Variants in SPACA9 observed in about 807,000 individuals in gnomAD.
The protein encoded by SPACA9 is sperm acrosome-associated protein 9.
Under a neutral mutation model 12.5 loss-of-function variants are expected in SPACA9, and 14 were observed. That is an observed-to-expected ratio of 1.12 (90% confidence interval 0.74 to 1.75). The LOEUF is 1.75. Ranked by LOEUF, SPACA9 falls within the 40% of genes most tolerant of loss-of-function variation. The pLI is 0.00. For synonymous variants in SPACA9, 111 were observed against 114.1 expected, an observed-to-expected ratio of 0.97 and a Z score of 0.17; for missense variants, 292 against 291.9, an observed-to-expected ratio of 1.00 and a Z score of 0.00.
Position 132,887,281 on chromosome 9 carries a change from AGG to A in SPACA9, c.145-86_145-85del. The A allele has an allele frequency of 8.8e-7, 1 of 1,131,450 alleles. No homozygotes were observed. The highest frequency in any genetic ancestry group is 1.3e-6 in the Non-Finnish European group (1 of 769,902). 70.1% of individuals were successfully genotyped at this position (1,131,450 alleles called of 1,614,324 possible). On this transcript the variant is annotated intron_variant, in intron 2 of 3. Coordinates refer to ENST00000356311, the MANE Select transcript of SPACA9 (RefSeq NM_001316897.2). This position sits in a 1 kb window ranked among gnomAD's most constrained non-coding sequence, Gnocchi z 5.4. ...TGAGTCATGTAGGGTGGGAGGGAGT[AGG>A]GTGGGTGCTTCTGGACATTTGCACC...
upstream of SPACA9, chr9:132,878,740 G>A (rs952613501): frequency 1.0e-6 from 1 of 986,568 alleles, no homozygotes; most frequent in East Asian, 1.1e-4. This position sits in a 1 kb window ranked among gnomAD's most constrained non-coding sequence, Gnocchi z 4.7. Context: ...CGAGGATCGG[G>A]TGGAAATCCT....
upstream of SPACA9, chr9:132,878,358 C>A: frequency 8.0e-7 from 1 of 1,256,148 alleles, no homozygotes. The surrounding 1 kb of genome is among the most constrained non-coding windows in gnomAD (Gnocchi z 4.7). Context: ...AGGCTCCGCG[C>A]CGGGCCCAGA....
intron 2 of SPACA9, among the ~76,000 whole-genome samples, chr9:132,885,439 G>A (rs145371300): frequency 0.013 from 1,939 of 150,610 alleles, 39 homozygotes; most frequent in African/African-American, 0.036. Flanking sequence ...CATGAACCCT[G>A]GAGGCAGAAG....
intron 2 of SPACA9, among the ~76,000 whole-genome samples, chr9:132,884,804 T>C (rs139244368): frequency 1.3e-5 from 2 of 152,350 alleles, no homozygotes; most frequent in Non-Finnish European, 2.9e-5. Context: ...CAACCCTTGC[T>C]GGCAGCATCC....
Position 132,888,429 on chromosome 9 carries a change from C to G in SPACA9, c.487C>G (p.Leu163Val). 6.2e-7 allele frequency: 1 copy of G among 1,613,464 alleles called. No individual in the cohort carries two copies. The highest frequency in any genetic ancestry group is 1.1e-5 in the South Asian group (1 of 91,042). The change falls in exon 4 of 4, where the codon CTG becomes GTG. Residue 163 changes from leucine (L) to valine (V), a missense_variant. Physicochemically the swap from Leu to Val is conservative, Grantham distance 32 (BLOSUM62 1). Transcript: ENST00000356311. This position sits in a 1 kb window ranked among gnomAD's most constrained non-coding sequence, Gnocchi z 5.0. ...AHSEKLPRKV[L>V]QHVSEPQAHQ... ...CTCCGAGAAGTTGCCGCGCAAGGTG[C>G]TGCAGCACGTGAGTGAGCCCCAGGC...
chr9:132,878,695 A>T, upstream of SPACA9: 1 of 987,256 alleles, frequency 1.0e-6, no homozygotes, highest in East Asian at 1.1e-4. This position sits in a 1 kb window ranked among gnomAD's most constrained non-coding sequence, Gnocchi z 4.7. Context: ...GGGTGTTTGA[A>T]GGGGGAGGGG....
intron 1 of SPACA9, 35 bp from the exon 2 acceptor site, chr9:132,883,876 C>G (rs905444393): frequency 1.3e-6 from 2 of 1,537,940 alleles, no homozygotes; most frequent in Non-Finnish European, 1.8e-6. Context: ...GCATTGGGTC[C>G]CAGGACCTCA....
At chr9:132,886,073 T>C (rs1844557638) in intron 2 of SPACA9, among the ~76,000 whole-genome samples, 1 of 152,220 alleles carries the variant, frequency 6.6e-6, no homozygotes, top group Non-Finnish European at 1.5e-5. Flanking sequence ...TCAGATTGTT[T>C]GGGGAAACAT....
At chr9:132,880,384 A>G (rs1036437240) in intron 1 of SPACA9, among the ~76,000 whole-genome samples, 5 of 152,110 alleles carry the variant, frequency 3.3e-5, no homozygotes, top group Admixed American at 6.5e-5. Context: ...AGCTCCTCTC[A>G]TGACATTCCT....
intron 1 of SPACA9, among the ~76,000 whole-genome samples, chr9:132,881,113 C>T (rs559562622): frequency 5.1e-4 from 77 of 151,734 alleles, no homozygotes; most frequent in African/African-American, 1.8e-3. Flanking sequence ...CGTGAGCTAC[C>T]GCGCCCAGCC....
intron 2 of SPACA9, among the ~76,000 whole-genome samples, chr9:132,885,760 T>G (rs1470107453): frequency 6.6e-6 from 1 of 152,172 alleles, no homozygotes; most frequent in East Asian, 1.9e-4. Flanking sequence ...AAGTGTCCCT[T>G]CCCAGAATCT....
chr9:132,887,400 G>A lies in SPACA9; in HGVS notation c.176G>A (p.Ser59Asn). 1 of 1,613,268 alleles carries A rather than the reference G, an allele frequency of 6.2e-7. No individual in the cohort carries two copies. The highest frequency in any genetic ancestry group is 8.5e-7 in the Non-Finnish European group (1 of 1,180,006). ...VQSYMEHYCN[S>N]STDRRVLLMF... is the part of the protein sequence containing the mutation. ...AGCTACATGGAACACTACTGCAACAGCTCCACAGACCGGCGGGTTCTGCTC... is the reference window on the plus strand; with the variant it reads ...AGCTACATGGAACACTACTGCAACAACTCCACAGACCGGCGGGTTCTGCTC... Residue 59 changes from serine to asparagine, a missense_variant, in exon 3 of 4, where the codon AGC (serine) becomes AAC (asparagine). Ser to Asn is a conservative substitution (Grantham distance 46, BLOSUM62 1). Coordinates refer to ENST00000356311, the MANE Select transcript of SPACA9 (RefSeq NM_001316897.2). This position sits in a 1 kb window ranked among gnomAD's most constrained non-coding sequence, Gnocchi z 5.4.
chr9:132,880,958 G>C (rs1844406777), intron 1 of SPACA9, among the ~76,000 whole-genome samples: 1 of 151,764 alleles, frequency 6.6e-6, no homozygotes, highest in South Asian at 2.1e-4. Context: ...GAGTAGCTGG[G>C]ACTACAGGCG....
intron 2 of SPACA9, among the ~76,000 whole-genome samples, chr9:132,885,895 A>C (rs1844550564): frequency 6.6e-6 from 1 of 152,044 alleles, no homozygotes; most frequent in Non-Finnish European, 1.5e-5. Flanking sequence ...AAGTGTCCAA[A>C]GGTTCCCTGC....
chr9:132,881,826 C>G (rs918998830), intron 1 of SPACA9, among the ~76,000 whole-genome samples: 1 of 152,076 alleles, frequency 6.6e-6, no homozygotes, highest in Non-Finnish European at 1.5e-5. Context: ...TGTGCCTGGC[C>G]TATTTTCATC....
Position 132,887,891 on chromosome 9 carries a change from C to T in SPACA9, c.347+320C>T, listed in dbSNP as rs1314431782. On this transcript the variant is annotated intron_variant, in intron 3 of 3. Coordinates refer to ENST00000356311, the MANE Select transcript of SPACA9 (RefSeq NM_001316897.2). The surrounding 1 kb of genome is among the most constrained non-coding windows in gnomAD (Gnocchi z 5.4). Reference sequence around the variant, plus strand: ...CATGCAAAGAAGTGGACACCAGAGCCGCCTCCCAGGGGCAGCAGCACTGGC... The same window carrying T: ...CATGCAAAGAAGTGGACACCAGAGCTGCCTCCCAGGGGCAGCAGCACTGGC... 6.6e-6 allele frequency among the ~76,000 whole-genome samples: 1 copy of T among 152,086 alleles called. No individual in the cohort carries two copies. The highest frequency in any genetic ancestry group is 6.5e-5 in the Admixed American group (1 of 15,272).
Position 132,887,508 on chromosome 9 carries a change from ACCT to A in SPACA9, c.288_290del (p.Leu97del), listed in dbSNP as rs771586197. On this transcript the variant is annotated inframe_deletion, in exon 3 of 4. Coordinates refer to ENST00000356311, the MANE Select transcript of SPACA9 (RefSeq NM_001316897.2). This position sits in a 1 kb window ranked among gnomAD's most constrained non-coding sequence, Gnocchi z 5.4. ...CACTCTGGCACCCCAGTCACCAACA[ACCT>A]CCTGGAGAAATGCAAAACCCTCGTT... 1.9e-6 allele frequency: 3 copies of A among 1,613,862 alleles called. No individual in the cohort carries two copies. The highest frequency in any genetic ancestry group is 2.5e-6 in the Non-Finnish European group (3 of 1,180,000).
rs776001007 is a variant in SPACA9, at chr9:132,884,025, C to T, written c.78C>T (p.Thr26=). Residue 26 remains threonine, a synonymous_variant, in exon 2 of 4, where the codon ACC becomes ACT. Coordinates refer to ENST00000356311, the MANE Select transcript of SPACA9 (RefSeq NM_001316897.2). The part of the protein sequence containing the change: ...KLFQQQQLTF[T]AALEHCRENA... The stretch of plus-strand genomic sequence containing the variant: ...TCCAGCAGCAGCAGCTCACCTTCAC[C>T]GCCGCTCTGGAGCACTGCAGGGAGA... The T allele has an allele frequency of 8.7e-6, 14 of 1,614,168 alleles. No individual in the cohort carries two copies. The highest frequency in any genetic ancestry group is 4.0e-5 in the African/African-American group (3 of 75,042).
chr9:132,885,840 T>C (rs913428298), intron 2 of SPACA9, among the ~76,000 whole-genome samples: 7 of 152,188 alleles, frequency 4.6e-5, no homozygotes, highest in Non-Finnish European at 1.0e-4. Context: ...ACAGTGGCCT[T>C]GTGTTCTGAG....
Sources: allele counts gnomAD v4.1 joint callset (sites outside exome capture counted in the v4.1 genomes callset), GRCh38; gene constraint gnomAD v4.1.1; non-coding constraint Gnocchi (gnomAD v3.1); transcripts MANE v1.5; gene names NCBI Gene and HGNC (gene_info 2026-07-23, HGNC 2026-07-21).